Variants in MAP4 observed in about 807,000 individuals in gnomAD.
The protein encoded by MAP4 is microtubule-associated protein 4.
In MAP4, 76 loss-of-function variants were observed where a neutral mutation model predicts 170.2. The observed-to-expected ratio is 0.45, with a 90% CI of 0.37 to 0.54. MAP4 has a LOEUF of 0.54. MAP4 is among the 20% of genes least tolerant of loss of function. The pLI, the probability that MAP4 is intolerant of heterozygous loss-of-function variation, is 0.00. For synonymous variants in MAP4, 909 were observed against 994.5 expected (o/e 0.91, Z 1.62); for missense variants, 2,506 against 2,748.0 (o/e 0.91, Z 1.97).
At chr3:47,890,838 G>A (rs1395914929) in intron 10 of MAP4, among the ~76,000 whole-genome samples, 2 of 152,146 alleles carry the variant, frequency 1.3e-5, no homozygotes, top group African/African-American at 4.8e-5. Flanking sequence ...GACCCTGCAA[G>A]ATTCACTTTG....
At position 47,915,068 on chromosome 3, in the gene MAP4, G is replaced by A; in HGVS notation, c.1877-129C>T. The A allele has an allele frequency of 5.6e-6, 6 of 1,072,820 alleles. No individual in the cohort carries two copies. The South Asian group carries it at 8.9e-5, about 16-fold the overall frequency. The allele number at this position is 1,072,820 out of a possible 1,614,324, so 66.5% of individuals were successfully genotyped here. A position where few individuals can be genotyped will look rare whatever the true frequency, so the allele number is the denominator to read the frequency against. The stretch of plus-strand genomic sequence containing the variant: ...CTACAAGGGGCAGCAAAGGAGTGAA[G>A]TGGTAGTTGGAAGCTGAAGTTGGGA... On this transcript the variant is annotated intron_variant, in intron 7 of 20. Transcript: ENST00000683076.
intron 1 of MAP4, among the ~76,000 whole-genome samples, chr3:48,067,076 G>A (rs2100138701): frequency 2.0e-5 from 3 of 151,820 alleles, no homozygotes; most frequent in Non-Finnish European, 4.4e-5. Context: ...TTCTGACCTG[G>A]TAATCCGCCC....
chr3:47,960,115 C>T (rs1007524305), intron 3 of MAP4, among the ~76,000 whole-genome samples: 13 of 152,180 alleles, frequency 8.5e-5, no homozygotes, highest in Middle Eastern at 3.4e-3. Flanking sequence ...CCGCCTGCCT[C>T]GCCTCCCAAA....
At chr3:48,045,724 A>G (rs2100124159) in intron 1 of MAP4, among the ~76,000 whole-genome samples, 2 of 152,200 alleles carry the variant, frequency 1.3e-5, no homozygotes, top group South Asian at 4.1e-4. Context: ...TCATCATACA[A>G]TAGAGACGGG....
chr3:48,037,149 A>C (rs1230141884), intron 1 of MAP4, among the ~76,000 whole-genome samples: 2 of 152,200 alleles, frequency 1.3e-5, no homozygotes, highest in African/African-American at 4.8e-5. Context: ...GTTCTGAGGA[A>C]AGTAAAAAAG....
chr3:47,979,566 C>T (rs2100084267), intron 2 of MAP4, among the ~76,000 whole-genome samples: 1 of 152,132 alleles, frequency 6.6e-6, no homozygotes, highest in African/African-American at 2.4e-5. Context: ...AGAGATTCTC[C>T]AGGCTCAGCC....
intron 3 of MAP4, among the ~76,000 whole-genome samples, chr3:47,971,681 T>G (rs1416397543): frequency 6.6e-6 from 1 of 152,190 alleles, no homozygotes; most frequent in East Asian, 1.9e-4. Context: ...CACAAATAAT[T>G]TGTAGTTAAG....
chr3:47,891,444 C>A, intron 10 of MAP4: 1 of 1,531,036 alleles, frequency 6.5e-7, no homozygotes. Flanking sequence ...ATAGCAGGAG[C>A]TCCCAGTTTC....
chr3:48,017,690 CCCT>C (rs1229393749), upstream of MAP4, among the ~76,000 whole-genome samples: 5 of 152,112 alleles, frequency 3.3e-5, no homozygotes, highest in East Asian at 1.9e-4. Context: ...TATCTTCTCT[CCCT>C]CCTCATTTGT....
rs1182591832 is a variant in MAP4, at chr3:48,015,049, G to A, written c.-20+1285C>T. Among the ~76,000 whole-genome samples, 5 of 152,126 alleles carry A rather than the reference G, an allele frequency of 3.3e-5. No homozygotes were observed. In the East Asian group the frequency reaches 7.7e-4, roughly 23 times the overall value. Reference sequence around the variant, plus strand: ...AGCCCTAGGAGGCAAAAGAAAGGGAGTTAATACCATGCCAAAGACAAGCTT... The same window carrying A: ...AGCCCTAGGAGGCAAAAGAAAGGGAATTAATACCATGCCAAAGACAAGCTT... On this transcript the variant is annotated intron_variant, in intron 1 of 20. Coordinates refer to ENST00000683076, the MANE Select transcript of MAP4 (RefSeq NM_001385682.1).
chr3:47,858,620 TTGTGTGTG>T (rs72034058), intron 17 of MAP4, among the ~76,000 whole-genome samples: 5 of 143,088 alleles, frequency 3.5e-5, no homozygotes, highest in East Asian at 2.0e-4. Context: ...TGTGTGCGCG[TTGTGTGTG>T]TGTGTGTGTG....
At chr3:47,886,335 CT>C (rs1262510130) in intron 10 of MAP4, among the ~76,000 whole-genome samples, 1 of 152,152 alleles carries the variant, frequency 6.6e-6, no homozygotes, top group Non-Finnish European at 1.5e-5. Context: ...TGATCTTGAT[CT>C]ATCTCCCAGG....
chr3:47,862,191 C>G, intron 17 of MAP4, among the ~76,000 whole-genome samples: 1 of 149,098 alleles, frequency 6.7e-6, no homozygotes, highest in Admixed American at 6.7e-5. Flanking sequence ...CCTAGGTAGC[C>G]CACACCATGA....
chr3:48,028,308 T>C (rs1530647), intron 1 of MAP4, among the ~76,000 whole-genome samples: 13,037 of 151,756 alleles, frequency 0.086, 1,854 homozygotes, highest in African/African-American at 0.3. Flanking sequence ...GGGAGGGAAA[T>C]TTGCAGGAGT....
Position 47,859,469 on chromosome 3 carries a change from A to G in MAP4, c.6502-1957T>C, listed in dbSNP as rs747145077. Among the ~76,000 whole-genome samples the G allele has an allele frequency of 3.9e-5, 6 of 152,330 alleles. No individual in the cohort carries two copies. In the South Asian group the frequency reaches 1.0e-3, roughly 26 times the overall value. ...GCCTGGCACAGAATAACTACCCACA[A>G]TCCCCAGCTTGCCAGAGCCATTCTC... is the stretch of plus-strand genomic sequence containing the variant. On this transcript the variant is annotated intron_variant, in intron 17 of 20. Coordinates refer to ENST00000683076, the MANE Select transcript of MAP4 (RefSeq NM_001385682.1).
chr3:47,868,035 A>C (rs993282219), intron 16 of MAP4, among the ~76,000 whole-genome samples: 2 of 152,214 alleles, frequency 1.3e-5, no homozygotes, highest in African/African-American at 4.8e-5. Flanking sequence ...ACCTTCTTGA[A>C]TCCTCCATAT....
Position 47,855,312 on chromosome 3 carries a change from T to A in MAP4, c.6632A>T (p.Lys2211Met). The change falls in exon 19 of 21, where the codon AAG becomes ATG. Residue 2211 changes from lysine to methionine, a missense_variant. By Grantham distance (95) the Lys-to-Met change is moderately conservative. This residue lies in a region of MAP4 where 487 missense variants were observed against 511.6 expected (regional missense o/e 0.95). Coordinates refer to ENST00000683076, the MANE Select transcript of MAP4 (RefSeq NM_001385682.1). The surrounding 1 kb of genome is among the most constrained non-coding windows in gnomAD (Gnocchi z 5.1). ...GAGGGATCCCACCTTGGCCTGGGCCTTCTCCTTGAAGTTCAACTTCTGACT... is the reference window on the plus strand; with the variant it reads ...GAGGGATCCCACCTTGGCCTGGGCCATCTCCTTGAAGTTCAACTTCTGACT... ...IESQKLNFKE[K>M]AQAKVGSLDN... The A allele has an allele frequency of 6.2e-7, 1 of 1,614,084 alleles. No individual in the cohort carries two copies. Among genetic ancestry groups the A allele is most frequent in the Non-Finnish European group, 8.5e-7 (1 of 1,179,964 alleles).
chr3:47,856,349 A>G (rs763946442), intron 18 of MAP4, among the ~76,000 whole-genome samples: 1 of 152,244 alleles, frequency 6.6e-6, no homozygotes, highest in Non-Finnish European at 1.5e-5. Flanking sequence ...GATTTCCCAG[A>G]TAAAAGGGGA....
At chr3:48,041,875 A>T (rs564649986) in intron 1 of MAP4, among the ~76,000 whole-genome samples, 2 of 151,136 alleles carry the variant, frequency 1.3e-5, no homozygotes, top group South Asian at 4.1e-4. Flanking sequence ...ACAGAAAGCT[A>T]TAATAGTCAA....
Sources: allele counts gnomAD v4.1 joint callset (sites outside exome capture counted in the v4.1 genomes callset), GRCh38; gene constraint gnomAD v4.1.1; regional missense constraint gnomAD v4.1.1; non-coding constraint Gnocchi (gnomAD v3.1); transcripts MANE v1.5; gene names NCBI Gene and HGNC (gene_info 2026-07-23, HGNC 2026-07-21).